CYP7B1: variants seen among roughly 807,000 people sequenced by gnomAD.
CYP7B1 encodes the protein cytochrome P450 7B1.
In CYP7B1, 29 loss-of-function variants were observed where a neutral mutation model predicts 42.7. The observed-to-expected ratio is 0.68, with a 90% confidence interval of 0.51 to 0.93. CYP7B1 has a LOEUF of 0.93. CYP7B1 is among the 40% of genes least tolerant of loss of function. The pLI is 0.00. For missense variants in CYP7B1, 655 were observed against 600.5 expected (o/e 1.09, Z -0.95); for synonymous variants, 235 against 218.2 (o/e 1.08, Z -0.68).
At chr8:64,635,044 C>T (rs1367908129) in intron 1 of CYP7B1, among the ~76,000 whole-genome samples, 1 of 152,200 alleles carries the variant, frequency 6.6e-6, no homozygotes, top group Non-Finnish European at 1.5e-5. Context: ...CTACTCGAAG[C>T]AAGAAACATG....
At chr8:64,785,372 G>A (rs114291036) in intron 1 of CYP7B1, among the ~76,000 whole-genome samples, 335 of 152,282 alleles carry the variant, frequency 2.2e-3, no homozygotes, top group African/African-American at 5.8e-3. Context: ...ACCCAAACGA[G>A]TTCAAAACTG....
intron 1 of CYP7B1, among the ~76,000 whole-genome samples, chr8:64,637,585 C>A (rs967361504): frequency 6.6e-6 from 1 of 152,148 alleles, no homozygotes; most frequent in African/African-American, 2.4e-5. Flanking sequence ...GAAGGCACAG[C>A]ATCATATTTA....
At chr8:64,741,340 A>C (rs960617295) in intron 1 of CYP7B1, among the ~76,000 whole-genome samples, 5 of 150,672 alleles carry the variant, frequency 3.3e-5, no homozygotes, top group African/African-American at 1.2e-4. Context: ...TTTTTTTTTG[A>C]GACAGTTTTG....
chr8:64,757,061 G>A (rs1282674392), intron 1 of CYP7B1, among the ~76,000 whole-genome samples: 4 of 152,176 alleles, frequency 2.6e-5, no homozygotes, highest in Non-Finnish European at 4.4e-5. Context: ...AGTTCATTTT[G>A]TAGAGTCCTA....
chr8:64,728,420 AG>A (rs1311687303), intron 1 of CYP7B1, among the ~76,000 whole-genome samples: 2 of 152,326 alleles, frequency 1.3e-5, no homozygotes, highest in Non-Finnish European at 2.9e-5. Context: ...ACATGCAGTG[AG>A]CAAAAGTGCA....
intron 1 of CYP7B1, among the ~76,000 whole-genome samples, chr8:64,629,021 T>A (rs1158792013): frequency 6.6e-6 from 1 of 151,714 alleles, no homozygotes; most frequent in Admixed American, 6.6e-5. Context: ...ACGTCAAGAG[T>A]TCGAGACCAG....
chr8:64,695,334 A>G (rs1806807652), intron 1 of CYP7B1, among the ~76,000 whole-genome samples: 1 of 152,146 alleles, frequency 6.6e-6, no homozygotes, highest in Non-Finnish European at 1.5e-5. Flanking sequence ...GGCGATGTAC[A>G]TCAGTAGGTT....
chr8:64,624,441 T>G lies in CYP7B1; in HGVS notation c.221A>C (p.Gln74Pro), dbSNP rs1431705008. 6.2e-7 allele frequency: 1 copy of G among 1,613,900 alleles called. No homozygotes were observed. Among genetic ancestry groups the G allele is most frequent in the Admixed American group, 1.7e-5 (1 of 60,004 alleles). ...KDPLRFMKTL[Q>P]KQHGDTFTVL... ...TGTGAAAGTGTCACCATGTTGCTTT[T>G]GAAGTGTTTTCATGAACCTTAAGGG... Residue 74 changes from glutamine (Q) to proline (P), a missense_variant, in exon 2 of 6, where the codon CAA becomes CCA. By Grantham distance (76) the Gln-to-Pro change is moderately conservative. Transcript: ENST00000310193.
intron 2 of CYP7B1, among the ~76,000 whole-genome samples, chr8:64,623,721 G>GA (rs1251990986): frequency 3.3e-5 from 5 of 152,152 alleles, no homozygotes; most frequent in African/African-American, 1.2e-4. Context: ...GTTTTAAAAT[G>GA]AAAAATACAT....
chr8:64,595,397 A>G lies in CYP7B1; in HGVS notation c.*1245T>C, dbSNP rs1240893860. On this transcript the variant is annotated 3_prime_UTR_variant, in exon 6 of 6. Transcript: ENST00000310193. ...GAAATATTAGAAGTTCCAATTAACGAAGCATGAATTAACTGGACTTTATTA... is the reference window on the plus strand; with the variant it reads ...GAAATATTAGAAGTTCCAATTAACGGAGCATGAATTAACTGGACTTTATTA... Among the ~76,000 whole-genome samples, 1 of 152,254 alleles carries G rather than the reference A, an allele frequency of 6.6e-6. No individual in the cohort carries two copies.
chr8:64,713,238 G>A (rs1182220860), intron 1 of CYP7B1, among the ~76,000 whole-genome samples: 1 of 151,994 alleles, frequency 6.6e-6, no homozygotes, highest in African/African-American at 2.4e-5. Context: ...ATATCAAAAA[G>A]CTTAACTGCA....
chr8:64,713,954 A>C (rs534887297), intron 1 of CYP7B1, among the ~76,000 whole-genome samples: 1 of 152,330 alleles, frequency 6.6e-6, no homozygotes, highest in South Asian at 2.1e-4. Flanking sequence ...TGCTGCTTTA[A>C]ATGCTTTGCA....
At chr8:64,700,261 A>G (rs1042785396) in intron 1 of CYP7B1, among the ~76,000 whole-genome samples, 1 of 152,100 alleles carries the variant, frequency 6.6e-6, no homozygotes, top group Admixed American at 6.6e-5. Flanking sequence ...CCATTTGGCA[A>G]TTTTGACATC....
intron 1 of CYP7B1, among the ~76,000 whole-genome samples, chr8:64,627,547 A>G (rs1283452569): frequency 6.6e-6 from 1 of 152,246 alleles, no homozygotes; most frequent in Non-Finnish European, 1.5e-5. Context: ...TCTAATTTAA[A>G]GCAACTAATT....
chr8:64,794,774 A>G (rs1408186189), intron 1 of CYP7B1, among the ~76,000 whole-genome samples: 2 of 152,244 alleles, frequency 1.3e-5, no homozygotes, highest in Non-Finnish European at 2.9e-5. Context: ...GAATCTGTAA[A>G]TATCTCAAGC....
chr8:64,619,389 C>A (rs1436630772), intron 2 of CYP7B1, among the ~76,000 whole-genome samples: 1 of 152,130 alleles, frequency 6.6e-6, no homozygotes, highest in Non-Finnish European at 1.5e-5. Flanking sequence ...AAAAACAATA[C>A]CCTTTGCCAT....
chr8:64,746,844 TC>T (rs1807650626), intron 1 of CYP7B1, among the ~76,000 whole-genome samples: 1 of 152,088 alleles, frequency 6.6e-6, no homozygotes, highest in Admixed American at 6.6e-5. Context: ...TTTGACATAC[TC>T]TTATTAGTAA....
At chr8:64,792,823 G>A (rs779980406) in intron 1 of CYP7B1, among the ~76,000 whole-genome samples, 5 of 152,124 alleles carry the variant, frequency 3.3e-5, no homozygotes, top group Admixed American at 1.3e-4. Flanking sequence ...TACTGTAAAC[G>A]GGTTAAGAAT....
At chr8:64,628,698 A>G (rs1229856199) in intron 1 of CYP7B1, among the ~76,000 whole-genome samples, 2 of 152,252 alleles carry the variant, frequency 1.3e-5, no homozygotes, top group African/African-American at 4.8e-5. Context: ...TGAAATAAAT[A>G]AAATGAAATA....
Sources: gnomAD v4.1 joint callset for allele counts (sites outside exome capture counted in the v4.1 genomes callset) on GRCh38, gnomAD v4.1.1 for gene constraint, MANE v1.5 for transcripts, NCBI Gene and HGNC (gene_info 2026-07-23, HGNC 2026-07-21) for gene names.